The following ABTB2 variants were observed in gnomAD, a reference collection of about 807,000 sequenced individuals.
ABTB2 encodes ankyrin repeat and BTB/POZ domain-containing protein 2.
A neutral mutation model predicts 104.1 loss-of-function variants in ABTB2; 56 were observed. That is an observed-to-expected ratio of 0.54 (90% CI 0.43 to 0.67). The LOEUF is 0.67. Among genes scored for constraint, ABTB2 ranks in the 30% least tolerant of loss-of-function variants. The pLI, the probability that ABTB2 is intolerant of heterozygous loss-of-function variation, is 0.00. For missense variants in ABTB2, 1,279 were observed against 1,407.7 expected (o/e 0.91, Z 1.46); for synonymous variants, 606 against 608.2 (o/e 1.00, Z 0.05).
At chr11:34,241,901 C>T (rs902241691) in intron 1 of ABTB2, among the ~76,000 whole-genome samples, 8 of 152,222 alleles carry the variant, frequency 5.3e-5, no homozygotes, top group Admixed American at 4.6e-4. Context: ...AGGCCACAGT[C>T]CCCAAGAGCT....
intron 1 of ABTB2, among the ~76,000 whole-genome samples, chr11:34,319,691 T>A (rs1458169136): frequency 6.6e-6 from 1 of 152,146 alleles, no homozygotes; most frequent in African/African-American, 2.4e-5. Flanking sequence ...TTATTTTATA[T>A]GAAGTCTCAC....
At chr11:34,187,863 G>T (rs1853122298) in intron 3 of ABTB2, among the ~76,000 whole-genome samples, 1 of 152,176 alleles carries the variant, frequency 6.6e-6, no homozygotes, top group Non-Finnish European at 1.5e-5. Flanking sequence ...GAAGGAGGGA[G>T]GGATGGATGA....
intron 1 of ABTB2, among the ~76,000 whole-genome samples, chr11:34,223,512 C>T (rs1230324161): frequency 1.3e-5 from 2 of 152,226 alleles, no homozygotes; most frequent in Admixed American, 1.3e-4. Context: ...CCCAACCACA[C>T]ACACACTCAC....
At position 34,162,607 on chromosome 11, in the gene ABTB2, G is replaced by C. The variant is rs147102733; in HGVS notation, c.2187C>G (p.Tyr729Ter). 6.2e-7 allele frequency: 1 copy of C among 1,613,686 alleles called. No homozygotes were observed. Among genetic ancestry groups the C allele is most frequent in the Non-Finnish European group, 8.5e-7 (1 of 1,180,006 alleles). Residue 729 changes from tyrosine (Y) to a stop codon, truncating the protein, a stop_gained, in exon 10 of 17, where the codon TAC becomes TAG. Transcript: ENST00000435224. LOFTEE classifies it high-confidence loss of function. ...CCCTCAGCTCCATGGTGATGTCCAC[G>C]TAGCCGTGCTCAGCGCTGTAGTACA... Reference protein sequence around the residue: ...EAMYYSAEHGYVDITMELRAL... With the variant: ...EAMYYSAEHG
chr11:34,160,082 G>A (rs999332742), intron 12 of ABTB2, 74 bp from the exon 13 acceptor site: 2 of 1,365,384 alleles, frequency 1.5e-6, no homozygotes, highest in Non-Finnish European at 2.1e-6. Context: ...GTGCTGTGAG[G>A]TGCGTGTCTG....
intron 12 of ABTB2, 112 bp from the exon 13 acceptor site, chr11:34,160,120 G>A: frequency 1.1e-5 from 14 of 1,254,808 alleles, no homozygotes; most frequent in Non-Finnish European, 1.5e-5. Context: ...CAGAGGTGAG[G>A]AACAGAGAAA....
chr11:34,207,978 AC>A (rs1279358690), intron 1 of ABTB2, among the ~76,000 whole-genome samples: 7 of 152,200 alleles, frequency 4.6e-5, no homozygotes. Flanking sequence ...AACTCTACAG[AC>A]AAAAAGCTGT....
intron 2 of ABTB2, among the ~76,000 whole-genome samples, chr11:34,200,582 T>A (rs1429237728): frequency 6.6e-6 from 1 of 152,210 alleles, no homozygotes; most frequent in Non-Finnish European, 1.5e-5. Flanking sequence ...AGCGGCTTGC[T>A]TGGAACCTTC....
chr11:34,160,147 G>A (rs1053621775), intron 12 of ABTB2, 101 bp downstream of exon 12: 13 of 1,313,310 alleles, frequency 9.9e-6, no homozygotes, highest in African/African-American at 5.8e-5. Flanking sequence ...CTGGGGCCTT[G>A]GCGCTTGGAA....
At chr11:34,312,281 A>C (rs2133105786) in intron 1 of ABTB2, among the ~76,000 whole-genome samples, 1 of 152,356 alleles carries the variant, frequency 6.6e-6, no homozygotes, top group East Asian at 1.9e-4. Context: ...AAACACTGGA[A>C]TCCCAGGAAA....
chr11:34,193,730 G>A (rs1853211740), intron 3 of ABTB2, among the ~76,000 whole-genome samples: 1 of 152,214 alleles, frequency 6.6e-6, no homozygotes, highest in Admixed American at 6.5e-5. Context: ...TTACAGGTGA[G>A]GAGCCTAAGG....
At position 34,225,284 on chromosome 11, in the gene ABTB2, C is replaced by T. The variant is rs289982; in HGVS notation, c.884-20594G>A. 5.8e-3 allele frequency among the ~76,000 whole-genome samples: 881 copies of T among 151,912 alleles called. 4 individuals are homozygous for T. The highest frequency in any genetic ancestry group is 0.017 in the Middle Eastern group (5 of 294). ...GTCAGCCTGGTCTCCAGCTCTGGCC[C>T]TGGTCCTGGGCCAAAAGCCGGCCTG... is the stretch of plus-strand genomic sequence containing the variant. On this transcript the variant is annotated intron_variant, in intron 1 of 16. Coordinates refer to ENST00000435224, the MANE Select transcript of ABTB2 (RefSeq NM_145804.3).
chr11:34,267,047 T>C (rs1368787540), intron 1 of ABTB2, among the ~76,000 whole-genome samples: 1 of 152,028 alleles, frequency 6.6e-6, no homozygotes, highest in Admixed American at 6.6e-5. Context: ...GAGGAAGTGC[T>C]GGTGGAGGTA....
intron 1 of ABTB2, among the ~76,000 whole-genome samples, chr11:34,323,389 CT>C (rs1222323985): frequency 1.3e-5 from 2 of 152,142 alleles, no homozygotes; most frequent in Non-Finnish European, 2.9e-5. Flanking sequence ...AGCCTGTATA[CT>C]TTTTTAATGT....
At chr11:34,300,493 G>A (rs1854690501) in intron 1 of ABTB2, among the ~76,000 whole-genome samples, 1 of 152,162 alleles carries the variant, frequency 6.6e-6, no homozygotes, top group African/African-American at 2.4e-5. Flanking sequence ...TAATATAAAC[G>A]AGAAGCCTGA....
chr11:34,234,187 G>A (rs773715532), intron 1 of ABTB2, among the ~76,000 whole-genome samples: 6 of 152,116 alleles, frequency 3.9e-5, no homozygotes, highest in Non-Finnish European at 7.4e-5. Flanking sequence ...GGGTAAGAGC[G>A]TCTCCCTGGA....
rs144229063 is a variant in ABTB2, at chr11:34,269,560, C to T, written c.884-64870G>A. 3.0e-3 allele frequency among the ~76,000 whole-genome samples: 451 copies of T among 152,352 alleles called. 3 individuals are homozygous for T. The highest frequency in any genetic ancestry group is 5.1e-3 in the Non-Finnish European group (344 of 68,040). Reference sequence around the variant, plus strand: ...TGGTCTCTCTCACAACTCCCCACCTCGTCTGTTGTAGAGCAAGAGCAGCCA... The same window carrying T: ...TGGTCTCTCTCACAACTCCCCACCTTGTCTGTTGTAGAGCAAGAGCAGCCA... On this transcript the variant is annotated intron_variant, in intron 1 of 16. Coordinates refer to ENST00000435224, the MANE Select transcript of ABTB2 (RefSeq NM_145804.3).
At chr11:34,210,487 T>C (rs1853468272) in intron 1 of ABTB2, among the ~76,000 whole-genome samples, 1 of 152,246 alleles carries the variant, frequency 6.6e-6, no homozygotes, top group African/African-American at 2.4e-5. Context: ...CCTTTCTGTG[T>C]AAAACTGGAT....
At chr11:34,291,333 CA>C in intron 1 of ABTB2, among the ~76,000 whole-genome samples, 1 of 152,256 alleles carries the variant, frequency 6.6e-6, no homozygotes, top group Admixed American at 6.5e-5. Context: ...AGCACATTCC[CA>C]ATGTGGAGGA....
Sources: allele counts gnomAD v4.1 joint callset (sites outside exome capture counted in the v4.1 genomes callset), GRCh38; gene constraint gnomAD v4.1.1; transcripts MANE v1.5; gene names NCBI Gene and HGNC (gene_info 2026-07-23, HGNC 2026-07-21).